ARNT2: variants seen among roughly 807,000 people sequenced by gnomAD.
The protein encoded by ARNT2 is ARNT protein 2.
A neutral mutation model predicts 91.7 loss-of-function variants in ARNT2; 36 were observed. The ratio of observed to expected loss-of-function variants is 0.39; its 90% confidence interval spans 0.30 to 0.52. ARNT2 has a LOEUF of 0.52. Among genes scored for constraint, ARNT2 ranks in the 20% least tolerant of loss-of-function variants. ARNT2 has a pLI of 0.72. For synonymous variants in ARNT2, 365 were observed against 347.1 expected (o/e 1.05, Z -0.57); for missense variants, 775 against 939.3 (o/e 0.83, Z 2.29).
At chr15:80,415,053 C>T (rs1895758589) in intron 1 of ARNT2, among the ~76,000 whole-genome samples, 1 of 152,190 alleles carries the variant, frequency 6.6e-6, no homozygotes, top group South Asian at 2.1e-4. Context: ...TTCTTTCCTG[C>T]AGGCAAGGAA....
At chr15:80,518,607 A>G (rs1207377390) in intron 8 of ARNT2, among the ~76,000 whole-genome samples, 1 of 152,114 alleles carries the variant, frequency 6.6e-6, no homozygotes, top group Non-Finnish European at 1.5e-5. Flanking sequence ...ATAGTCTTAA[A>G]TAGAGTATGC....
rs1336148426 is a variant in ARNT2, at chr15:80,433,233, A to ATTTATTTTATTTTATTTTATT, written c.32-17644_32-17624dup. Among the ~76,000 whole-genome samples, 649 of 95,552 alleles carry ATTTATTTTATTTTATTTTATT rather than the reference A, an allele frequency of 6.8e-3. 17 individuals carry two copies. The highest frequency in any genetic ancestry group is 0.037 in the East Asian group (121 of 3,230). The allele number at this position is 95,552 out of a possible 152,430, so 62.7% of individuals were successfully genotyped here. On this transcript the variant is annotated intron_variant, in intron 1 of 18. Coordinates refer to ENST00000303329, the MANE Select transcript of ARNT2 (RefSeq NM_014862.4). ...CTTTTTAGAAAAGGCACTATATTTT[A>ATTTATTTTATTTTATTTTATT]TTTATTTTATTTTATTTTATTTTAT... is the stretch of plus-strand genomic sequence containing the variant.
chr15:80,476,954 TG>T (rs1202275615), intron 5 of ARNT2, among the ~76,000 whole-genome samples: 1 of 152,186 alleles, frequency 6.6e-6, no homozygotes, highest in Non-Finnish European at 1.5e-5. Flanking sequence ...TTCGCCTGAA[TG>T]GTTTAGTACC....
chr15:80,429,024 G>A (rs554342101), intron 1 of ARNT2, among the ~76,000 whole-genome samples: 4 of 152,222 alleles, frequency 2.6e-5, no homozygotes, highest in South Asian at 4.1e-4. Context: ...AAAATAGCTC[G>A]ACTGGTGCAG....
chr15:80,474,774 A>G (rs111492577), intron 4 of ARNT2, among the ~76,000 whole-genome samples: 5 of 152,108 alleles, frequency 3.3e-5, no homozygotes, highest in African/African-American at 1.2e-4. Flanking sequence ...TCTCCCCAAC[A>G]AAGGACTAAT....
chr15:80,574,371 G>A, intron 13 of ARNT2, 151 bp downstream of exon 13: 5 of 719,062 alleles, frequency 7.0e-6, no homozygotes, highest in Non-Finnish European at 9.4e-6. Flanking sequence ...GGTCCCCTGG[G>A]GGTCTGCTGC....
In ARNT2 at chr15:80,594,485, C is replaced by G. The variant is rs1208156390; in HGVS notation, c.*787C>G. 1 of 152,378 alleles carries G rather than the reference C, an allele frequency of 6.6e-6. No individual in the cohort carries two copies. The highest frequency in any genetic ancestry group is 1.5e-5 in the Non-Finnish European group (1 of 68,166). The allele number at this position is 152,378 out of a possible 1,614,324, so 9.4% of individuals were successfully genotyped here. A position where few individuals can be genotyped will look rare whatever the true frequency, so the allele number is the denominator to read the frequency against. On this transcript the variant is annotated 3_prime_UTR_variant, in exon 19 of 19. Coordinates refer to ENST00000303329, the MANE Select transcript of ARNT2 (RefSeq NM_014862.4). ...TAACAGGCTGACACTTCGGCAGGGTCACCAGGAGGCACAGCTAGGGGCATG... is the reference window on the plus strand; with the variant it reads ...TAACAGGCTGACACTTCGGCAGGGTGACCAGGAGGCACAGCTAGGGGCATG...
In ARNT2 at chr15:80,551,251, C is replaced by A; in HGVS notation, c.930C>A (p.Cys310Ter). 4 of 1,613,962 alleles carry A rather than the reference C, an allele frequency of 2.5e-6. No homozygotes were observed. Among genetic ancestry groups the A allele is most frequent in the Non-Finnish European group, 3.4e-6 (4 of 1,179,850 alleles). Residue 310 changes from cysteine to a stop codon, truncating the protein, a stop_gained, in exon 9 of 19, where the codon TGC becomes TGA. Coordinates refer to ENST00000303329, the MANE Select transcript of ARNT2 (RefSeq NM_014862.4). LOFTEE classifies it high-confidence loss of function. ...DADVGQGSKY[C>*]LVAIGRLQVT... is the part of the protein sequence containing the mutation. ...ATGTGGGACAAGGCAGTAAATATTGCCTCGTGGCAATTGGGAGACTCCAGG... is the reference window on the plus strand; with the variant it reads ...ATGTGGGACAAGGCAGTAAATATTGACTCGTGGCAATTGGGAGACTCCAGG...
At chr15:80,413,051 C>A (rs959345501) in intron 1 of ARNT2, among the ~76,000 whole-genome samples, 1 of 151,274 alleles carries the variant, frequency 6.6e-6, no homozygotes, top group Admixed American at 6.6e-5. Flanking sequence ...CTTTCCTGGC[C>A]TCCTTTCAGT....
At chr15:80,555,327 T>C (rs570166627) in intron 11 of ARNT2, 188 bp downstream of exon 11, 4 of 571,582 alleles carry the variant, frequency 7.0e-6, no homozygotes, top group Middle Eastern at 8.2e-4. Context: ...AGTAAATAAG[T>C]ACTATGTAAT....
chr15:80,429,237 G>A (rs1289138271), intron 1 of ARNT2, among the ~76,000 whole-genome samples: 1 of 152,200 alleles, frequency 6.6e-6, no homozygotes, highest in Non-Finnish European at 1.5e-5. Context: ...TTCAAGAAGG[G>A]GCTGGGCCGT....
intron 8 of ARNT2, among the ~76,000 whole-genome samples, chr15:80,517,959 T>G (rs74027811): frequency 9.8e-5 from 15 of 152,320 alleles, no homozygotes; most frequent in African/African-American, 3.6e-4. Context: ...TTTTAAATAT[T>G]TTGTGATTTC....
At chr15:80,461,295 G>A (rs976106712) in intron 3 of ARNT2, among the ~76,000 whole-genome samples, 5 of 152,208 alleles carry the variant, frequency 3.3e-5, no homozygotes, top group Non-Finnish European at 2.9e-5. Context: ...TTGAGGATTA[G>A]GGCAGGTGCC....
rs192567238 is a variant in ARNT2 at position 80,491,509 on chromosome 15, C to T, written c.622+16286C>T. ...GATGAGATTTGAGTGGGGACACAGC[C>T]AAGCCATATCCCTTGCAGTGAGATG... is the stretch of plus-strand genomic sequence containing the variant. On this transcript the variant is annotated intron_variant, in intron 5 of 18. Coordinates refer to ENST00000303329, the MANE Select transcript of ARNT2 (RefSeq NM_014862.4). 5.9e-4 allele frequency among the ~76,000 whole-genome samples: 90 copies of T among 152,224 alleles called. 1 individual carries two copies. The East Asian group carries it at 0.015, about 25-fold the overall frequency.
intron 3 of ARNT2, among the ~76,000 whole-genome samples, chr15:80,467,346 G>A (rs1896670375): frequency 6.6e-6 from 1 of 152,212 alleles, no homozygotes; most frequent in Non-Finnish European, 1.5e-5. Context: ...GACGGGAGCA[G>A]TTCCACGTGT....
intron 2 of ARNT2, among the ~76,000 whole-genome samples, chr15:80,455,347 T>C (rs1390103023): frequency 6.6e-6 from 1 of 152,190 alleles, no homozygotes; most frequent in Non-Finnish European, 1.5e-5. Flanking sequence ...GCTGTACACA[T>C]GCACAGGTGT....
intron 6 of ARNT2, among the ~76,000 whole-genome samples, chr15:80,513,561 C>A (rs1897376582): frequency 6.6e-6 from 1 of 152,168 alleles, no homozygotes; most frequent in South Asian, 2.1e-4. Flanking sequence ...CTCTTCCCTT[C>A]TTTCCTAAAA....
rs769473257 is a variant in ARNT2, at chr15:80,563,119, T to C, written c.1196T>C (p.Val399Ala). 1.2e-6 allele frequency: 2 copies of C among 1,614,200 alleles called. No homozygotes were observed. The highest frequency in any genetic ancestry group is 2.2e-5 in the South Asian group (2 of 91,078). ...AAGCTGAAAGGCCAAGTCCTGTCGG[T>C]CATGTATCGATTTCGCACCAAGAAC... is the stretch of plus-strand genomic sequence containing the variant. ...VVKLKGQVLS[V>A]MYRFRTKNRE... The change falls in exon 12 of 19, where the codon GTC becomes GCC. Residue 399 changes from valine to alanine, a missense_variant. Coordinates refer to ENST00000303329, the MANE Select transcript of ARNT2 (RefSeq NM_014862.4).
At chr15:80,432,777 A>C (rs1896029281) in intron 1 of ARNT2, among the ~76,000 whole-genome samples, 1 of 152,116 alleles carries the variant, frequency 6.6e-6, no homozygotes. Context: ...ATCACAGCTC[A>C]GCCTCCTGTG....
Sources: allele counts gnomAD v4.1 joint callset (sites outside exome capture counted in the v4.1 genomes callset), GRCh38; gene constraint gnomAD v4.1.1; transcripts MANE v1.5; gene names NCBI Gene and HGNC (gene_info 2026-07-23, HGNC 2026-07-21).